The following CASK variants were observed in gnomAD, a reference collection of about 807,000 sequenced individuals.
The protein encoded by CASK is peripheral plasma membrane protein CASK.
A neutral mutation model predicts 82.9 loss-of-function variants in CASK; 4 were observed. The ratio of observed to expected loss-of-function variants is 0.05; its 90% CI spans 0.02 to 0.11. CASK has a LOEUF of 0.11. CASK is among the 10% of genes least tolerant of loss of function. The pLI is 1.00. For missense variants in CASK, 358 were observed against 720.9 expected (o/e 0.50, Z 5.76); for synonymous variants, 259 against 253.5 (o/e 1.02, Z -0.20).
At chrX:41,674,431 AG>A (rs887093525) in intron 5 of CASK, among the ~76,000 whole-genome samples, 1 of 111,993 alleles carries the variant, frequency 8.9e-6, no homozygotes, top group Admixed American at 9.5e-5. Flanking sequence ...AAAACCAAAA[AG>A]TGATTTGGAA....
intron 2 of CASK, among the ~76,000 whole-genome samples, chrX:41,797,829 A>C (rs1326154260): frequency 1.8e-5 from 2 of 111,796 alleles, no homozygotes; most frequent in Non-Finnish European, 3.8e-5. Context: ...TAAAAATGCC[A>C]AAACTTCAAG....
intron 3 of CASK, among the ~76,000 whole-genome samples, chrX:41,784,972 T>C (rs1248570205): frequency 2.7e-5 from 3 of 109,255 alleles, no homozygotes; most frequent in Non-Finnish European, 3.8e-5. Flanking sequence ...CTAAAAAATA[T>C]GTGAAGGGGT....
intron 11 of CASK, among the ~76,000 whole-genome samples, chrX:41,613,440 C>T (rs867877893): frequency 1.1e-5 from 1 of 94,242 alleles, no homozygotes; most frequent in African/African-American, 3.9e-5. Flanking sequence ...GCAGCATGCT[C>T]GTTAAGAGTC....
intron 8 of CASK, among the ~76,000 whole-genome samples, chrX:41,645,216 A>T (rs2066735624): frequency 9.0e-6 from 1 of 111,458 alleles, no homozygotes. Flanking sequence ...GAACAACCAA[A>T]ACATGATTTA....
chrX:41,888,852 T>A (rs2072108545), intron 1 of CASK, among the ~76,000 whole-genome samples: 1 of 107,809 alleles, frequency 9.3e-6, no homozygotes, highest in Admixed American at 1.0e-4. Flanking sequence ...TGTGTGTATA[T>A]ATACGCAAAC....
At chrX:41,703,895 G>T (rs1482310455) in intron 5 of CASK, among the ~76,000 whole-genome samples, 1 of 111,531 alleles carries the variant, frequency 9.0e-6, no homozygotes, top group African/African-American at 3.3e-5. Context: ...TGCCAATCTG[G>T]TAGGTATGAA....
chrX:41,726,764 G>GT (rs2068267999), intron 5 of CASK: 1 of 228,974 alleles, frequency 4.4e-6, no homozygotes. Flanking sequence ...ATCAAATTTT[G>GT]TTTTTCAGAC....
At chrX:41,585,745 CA>C (rs749159010) in intron 14 of CASK, 61 of 37,524 alleles carry the variant, frequency 1.6e-3, no homozygotes, top group Admixed American at 1.9e-3. Flanking sequence ...AACTCCGTCT[CA>C]AAAAAAAAAA....
chrX:41,828,404 AT>A (rs933003051), intron 2 of CASK, among the ~76,000 whole-genome samples: 1 of 111,794 alleles, frequency 8.9e-6, no homozygotes, highest in African/African-American at 3.3e-5. Flanking sequence ...AGTAAAAAAA[AT>A]CACTGAATGA....
At position 41,705,255 on chromosome X, in the gene CASK, T is replaced by A. The variant is rs149358762; in HGVS notation, c.430-33725A>T. On this transcript the variant is annotated intron_variant, in intron 5 of 26. Transcript: ENST00000378163. ...GAGAGTGTGAGGGCACCTGGCAGGA[T>A]GCCATTAGAAGAAATGTTGGGCCAG... is the stretch of plus-strand genomic sequence containing the variant. 4.1e-3 allele frequency among the ~76,000 whole-genome samples: 463 copies of A among 112,581 alleles called. 1 individual carries two copies. The highest frequency in any genetic ancestry group is 0.014 in the African/African-American group (441 of 30,976).
chrX:41,917,942 A>G (rs2072721804), intron 1 of CASK, among the ~76,000 whole-genome samples: 1 of 111,767 alleles, frequency 8.9e-6, no homozygotes, highest in Non-Finnish European at 1.9e-5. Flanking sequence ...CTTAACTCCC[A>G]TGGCTTGCAT....
chrX:41,633,856 C>G (rs2066514547), intron 9 of CASK, among the ~76,000 whole-genome samples: 1 of 109,736 alleles, frequency 9.1e-6, no homozygotes, highest in African/African-American at 3.3e-5. Flanking sequence ...GCCTCCCAGG[C>G]TCAAGTGATC....
At chrX:41,590,276 G>A (rs766457239) in intron 12 of CASK, among the ~76,000 whole-genome samples, 2 of 111,050 alleles carry the variant, frequency 1.8e-5, no homozygotes, top group South Asian at 3.8e-4. Flanking sequence ...GGAGGCCAAG[G>A]TGGGCGGATC....
In CASK at chrX:41,523,921, T is replaced by C. The variant is rs1457656322; in HGVS notation, c.2604+30A>G. The C allele has an allele frequency of 2.8e-6, 3 of 1,069,813 alleles. No individual in the cohort carries two copies. The South Asian group carries it at 5.7e-5, about 20-fold the overall frequency. 88.2% of individuals were successfully genotyped at this position (1,069,813 alleles called of 1,213,427 possible). A position where few individuals can be genotyped will look rare whatever the true frequency, so the allele number is the denominator to read the frequency against. On this transcript the variant is annotated intron_variant, in intron 26 of 26. Coordinates refer to ENST00000378163, the MANE Select transcript of CASK (RefSeq NM_001367721.1). ...GGGAGTAAGGCTTGATCCTTACAGC[T>C]TATTTGGGGAAAAACAGATTGATTC...
At chrX:41,650,767 A>G (rs930159664) in intron 8 of CASK, among the ~76,000 whole-genome samples, 2 of 110,206 alleles carry the variant, frequency 1.8e-5, no homozygotes, top group Admixed American at 9.8e-5. Flanking sequence ...TATTTCTTCA[A>G]TTTGCAAGGT....
chrX:41,871,065 ACCTCATT>A (rs1026490256), intron 1 of CASK, among the ~76,000 whole-genome samples: 1 of 111,391 alleles, frequency 9.0e-6, no homozygotes, highest in Non-Finnish European at 1.9e-5. Flanking sequence ...TCCACTTCCA[ACCTCATT>A]CAAGTTGTTG....
chrX:41,650,916 A>AT (rs1199123796), intron 8 of CASK, among the ~76,000 whole-genome samples: 1 of 111,942 alleles, frequency 8.9e-6, no homozygotes, highest in African/African-American at 3.2e-5. Context: ...TAACATTCTA[A>AT]TTGAGTTTTT....
At chrX:41,715,756 T>C (rs1356670636) in intron 5 of CASK, among the ~76,000 whole-genome samples, 2 of 112,066 alleles carry the variant, frequency 1.8e-5, no homozygotes, top group African/African-American at 6.5e-5. Context: ...AGTGCAGAGA[T>C]AGGCTGCATT....
chrX:41,776,763 A>G (rs988225279), intron 3 of CASK, among the ~76,000 whole-genome samples: 2 of 112,328 alleles, frequency 1.8e-5, no homozygotes, highest in Non-Finnish European at 3.8e-5. Flanking sequence ...AACATATAAA[A>G]CTTTATTGCA....
Sources: allele counts gnomAD v4.1 joint callset (sites outside exome capture counted in the v4.1 genomes callset), GRCh38; gene constraint gnomAD v4.1.1; transcripts MANE v1.5; gene names NCBI Gene and HGNC (gene_info 2026-07-23, HGNC 2026-07-21).